The following GNG2 variants were observed in gnomAD, a reference collection of about 807,000 sequenced individuals.
GNG2 encodes G protein subunit gamma 2, also known as guanine nucleotide-binding protein G(I)/G(S)/G(O) subunit gamma-2.
A neutral mutation model predicts 5.5 loss-of-function variants in GNG2; 5 were observed. The ratio of observed to expected loss-of-function variants is 0.91; its 90% CI spans 0.48 to 1.92. The LOEUF is 1.92. GNG2 is among the 30% of genes most tolerant of loss of function. The pLI is 0.01. For missense variants in GNG2, 55 were observed against 88.4 expected (o/e 0.62, Z 1.52); for synonymous variants, 28 against 32.0 (o/e 0.88, Z 0.42).
intron 2 of GNG2, among the ~76,000 whole-genome samples, chr14:51,878,590 A>G (rs1051777237): frequency 4.6e-5 from 7 of 152,160 alleles, no homozygotes; most frequent in African/African-American, 1.7e-4. Flanking sequence ...CTAGTCATCC[A>G]TCCATTTACG....
intron 1 of GNG2, among the ~76,000 whole-genome samples, chr14:51,861,723 A>G (rs1219776564): frequency 2.0e-5 from 3 of 152,242 alleles, no homozygotes; most frequent in African/African-American, 7.2e-5. Flanking sequence ...GTAAAAGTAC[A>G]CTAAATAGGT....
chr14:51,829,694 A>G (rs1308454790), intron 2 of GNG2, among the ~76,000 whole-genome samples: 1 of 151,992 alleles, frequency 6.6e-6, no homozygotes, highest in African/African-American at 2.4e-5. Flanking sequence ...GTCATTCTCC[A>G]TTAAACTCAC....
At chr14:51,965,025 G>T (rs1206663149) in intron 3 of GNG2, among the ~76,000 whole-genome samples, 2 of 152,168 alleles carry the variant, frequency 1.3e-5, no homozygotes, top group African/African-American at 4.8e-5. Context: ...AATTATTTCA[G>T]TCGGACGAAG....
chr14:51,960,186 A>G (rs1205645525), intron 3 of GNG2, among the ~76,000 whole-genome samples: 2 of 144,140 alleles, frequency 1.4e-5, no homozygotes, highest in African/African-American at 5.1e-5. Context: ...TTTTTTTTTC[A>G]GTCTATTTTC....
At chr14:51,882,396 A>AT (rs1884140378) in intron 2 of GNG2, among the ~76,000 whole-genome samples, 1 of 152,214 alleles carries the variant, frequency 6.6e-6, no homozygotes, top group Non-Finnish European at 1.5e-5. Context: ...CTCATGTTAA[A>AT]TTTCTACACC....
intron 2 of GNG2, among the ~76,000 whole-genome samples, chr14:51,839,668 G>C (rs569304776): frequency 2.6e-5 from 4 of 152,246 alleles, no homozygotes; most frequent in African/African-American, 9.6e-5. Flanking sequence ...GGGTGATGCA[G>C]CTGTTCTATA....
intron 2 of GNG2, among the ~76,000 whole-genome samples, chr14:51,848,038 C>T (rs1881719756): frequency 1.3e-5 from 2 of 151,928 alleles, no homozygotes; most frequent in South Asian, 2.1e-4. Flanking sequence ...CTGCCCCCTC[C>T]ACTCTCTTGA....
chr14:51,853,805 A>G (rs957852243), intron 2 of GNG2, among the ~76,000 whole-genome samples: 2 of 152,022 alleles, frequency 1.3e-5, no homozygotes, highest in African/African-American at 4.8e-5. Flanking sequence ...GTGGGTGCAC[A>G]GTGTTCTCTA....
At chr14:51,966,227 A>AAAAAAAAAC (rs1566720319) in intron 3 of GNG2, among the ~76,000 whole-genome samples, 48 of 148,934 alleles carry the variant, frequency 3.2e-4, no homozygotes, top group African/African-American at 1.2e-3. Context: ...AAAAAAAAAA[A>AAAAAAAAAC]AAAAAAAAAA....
At chr14:51,902,024 T>C (rs1885603009) in intron 2 of GNG2, among the ~76,000 whole-genome samples, 1 of 148,378 alleles carries the variant, frequency 6.7e-6, no homozygotes, top group South Asian at 2.1e-4. Context: ...CAGAATATTT[T>C]GGAAATTATT....
At position 51,876,072 on chromosome 14, in the gene GNG2, G is replaced by A. The variant is rs189088666; in HGVS notation, c.-70-1545G>A. ...CCCACCTCAGCCTTCCAAGTAGATG[G>A]GACCACAGGTGTGCATCACCATGCC... On this transcript the variant is annotated intron_variant, in intron 1 of 3. Coordinates refer to ENST00000556766, the MANE Select transcript of GNG2 (RefSeq NM_053064.5). 4.0e-5 allele frequency among the ~76,000 whole-genome samples: 6 copies of A among 151,572 alleles called. No individual in the cohort carries two copies. In the East Asian group the frequency reaches 1.2e-3, roughly 29 times the overall value.
At chr14:51,966,277 C>T (rs1166223322) in intron 3 of GNG2, among the ~76,000 whole-genome samples, 1 of 144,340 alleles carries the variant, frequency 6.9e-6, no homozygotes, top group East Asian at 2.1e-4. Flanking sequence ...TATGGAAGTG[C>T]AGGGTTGACA....
At position 51,966,706 on chromosome 14, in the gene GNG2, A is replaced by T; in HGVS notation, c.*19A>T. 1 of 1,611,452 alleles carries T rather than the reference A, an allele frequency of 6.2e-7. No individual in the cohort carries two copies. The highest frequency in any genetic ancestry group is 8.5e-7 in the Non-Finnish European group (1 of 1,177,626). ...CCTTTAAGTCTTTGAGAGGGGCCTGAAGAGCCTCCGGGCTCCTGGGACATT... is the reference window on the plus strand; with the variant it reads ...CCTTTAAGTCTTTGAGAGGGGCCTGTAGAGCCTCCGGGCTCCTGGGACATT... On this transcript the variant is annotated 3_prime_UTR_variant, in exon 4 of 4. Transcript: ENST00000556766.
intron 2 of GNG2, among the ~76,000 whole-genome samples, chr14:51,923,890 C>T (rs1887165097): frequency 2.0e-5 from 3 of 152,170 alleles, no homozygotes; most frequent in Admixed American, 2.0e-4. Flanking sequence ...GACACCTCTG[C>T]CTAGGGCTGA....
In GNG2 at chr14:51,867,894, T is replaced by C. The variant is rs567233103; in HGVS notation, c.-71+7104T>C. On this transcript the variant is annotated intron_variant, in intron 1 of 3. Transcript: ENST00000556766. Reference sequence around the variant, plus strand: ...CATTCTAGTGTGTATAACAGCAATCTGCATAATTTTTTTTTTTGACCACAC... The same window carrying C: ...CATTCTAGTGTGTATAACAGCAATCCGCATAATTTTTTTTTTTGACCACAC... Among the ~76,000 whole-genome samples the C allele has an allele frequency of 3.3e-5, 5 of 152,278 alleles. No individual in the cohort carries two copies. In the East Asian group the frequency reaches 9.6e-4, roughly 29 times the overall value.
intron 3 of GNG2, among the ~76,000 whole-genome samples, chr14:51,952,476 A>G (rs867020710): frequency 6.6e-6 from 1 of 152,222 alleles, no homozygotes; most frequent in African/African-American, 2.4e-5. Context: ...TTGTCAAATC[A>G]GAAAGGGTCA....
chr14:51,870,260 A>AC (rs397954936), intron 1 of GNG2, among the ~76,000 whole-genome samples: 1 of 152,122 alleles, frequency 6.6e-6, no homozygotes, highest in African/African-American at 2.4e-5. Context: ...GAAAAAAAAA[A>AC]CAACTTGTTT....
chr14:51,868,592 C>A (rs1883088654), intron 1 of GNG2, among the ~76,000 whole-genome samples: 3 of 152,118 alleles, frequency 2.0e-5, no homozygotes, highest in Admixed American at 2.0e-4. Context: ...GCTGAGGATT[C>A]AGCCATGTAA....
intron 2 of GNG2, among the ~76,000 whole-genome samples, chr14:51,928,321 C>T (rs1171044209): frequency 2.0e-5 from 3 of 151,954 alleles, no homozygotes; most frequent in South Asian, 2.1e-4. Flanking sequence ...CGGTGGCTCA[C>T]GCCTGTAATT....
Sources: allele counts gnomAD v4.1 joint callset (sites outside exome capture counted in the v4.1 genomes callset), GRCh38; gene constraint gnomAD v4.1.1; transcripts MANE v1.5; gene names NCBI Gene and HGNC (gene_info 2026-07-23, HGNC 2026-07-21).